The following RICTOR variants were observed in gnomAD, a reference collection of about 807,000 sequenced individuals.
The protein encoded by RICTOR is RPTOR independent companion of MTOR complex 2.
Under a neutral mutation model 214.9 loss-of-function variants are expected in RICTOR, and 49 were observed. The ratio of observed to expected loss-of-function variants is 0.23; its 90% CI spans 0.18 to 0.29. The LOEUF is 0.29. Among genes scored for constraint, RICTOR ranks in the 10% least tolerant of loss-of-function variants. The probability of loss-of-function intolerance (pLI) is 1.00; values close to 1 mark genes in which losing one functional copy is unlikely to be tolerated. For synonymous variants in RICTOR, 717 were observed against 711.3 expected (o/e 1.01, Z -0.13); for missense variants, 1,625 against 2,047.0 (o/e 0.79, Z 3.98).
intron 2 of RICTOR, among the ~76,000 whole-genome samples, chr5:39,048,011 G>C (rs117699959): frequency 6.6e-6 from 1 of 152,128 alleles, no homozygotes; most frequent in Non-Finnish European, 1.5e-5. Context: ...TAACCACAAC[G>C]AAGAATTTTC....
At chr5:38,993,456 A>G (rs1363015959) in intron 6 of RICTOR, among the ~76,000 whole-genome samples, 3 of 152,090 alleles carry the variant, frequency 2.0e-5, no homozygotes, top group Non-Finnish European at 4.4e-5. Flanking sequence ...CTGCATTGGA[A>G]GGGGGAGAGA....
At chr5:39,005,651 C>A (rs1320013414) in intron 3 of RICTOR, among the ~76,000 whole-genome samples, 1 of 152,140 alleles carries the variant, frequency 6.6e-6, no homozygotes, top group Non-Finnish European at 1.5e-5. Flanking sequence ...TAACTGTTTT[C>A]CCTTTTGTTC....
intron 2 of RICTOR, among the ~76,000 whole-genome samples, chr5:39,054,934 C>A (rs910306532): frequency 1.2e-4 from 19 of 152,174 alleles, no homozygotes; most frequent in African/African-American, 4.3e-4. Context: ...GTTTTGCTAT[C>A]TCGTCTTGAA....
chr5:39,045,997 T>C (rs77874070), intron 2 of RICTOR, among the ~76,000 whole-genome samples: 6,089 of 149,818 alleles, frequency 0.041, 313 homozygotes, highest in East Asian at 0.27. Context: ...TCTTCATGGA[T>C]CGTCAGTCTC....
chr5:38,953,260 A>G (rs957734510), intron 28 of RICTOR, among the ~76,000 whole-genome samples, 169 bp from the exon 29 acceptor site: 1 of 151,984 alleles, frequency 6.6e-6, no homozygotes, highest in African/African-American at 2.4e-5. Flanking sequence ...TTAGCAACAA[A>G]ACAAAAGTCA....
intron 9 of RICTOR, among the ~76,000 whole-genome samples, chr5:38,977,208 T>C (rs1044395396): frequency 5.3e-5 from 8 of 152,142 alleles, no homozygotes; most frequent in East Asian, 1.9e-4. Flanking sequence ...AGTTGTACAG[T>C]AGCAAGAAAC....
In RICTOR at chr5:39,038,230, C is replaced by A. The variant is rs564671569; in HGVS notation, c.98-17094G>T. Among the ~76,000 whole-genome samples, 4 of 152,300 alleles carry A rather than the reference C, an allele frequency of 2.6e-5. No individual in the cohort carries two copies. In the South Asian group the frequency reaches 8.3e-4, roughly 32 times the overall value. On this transcript the variant is annotated intron_variant, in intron 2 of 37. Transcript: ENST00000357387. ...CCAAAGACAAAAACCACATGATTAT[C>A]TCAATAGATGCAGAAAAGGTCTTTG...
At chr5:39,069,489 A>T (rs1405542269) in intron 2 of RICTOR, among the ~76,000 whole-genome samples, 1 of 152,212 alleles carries the variant, frequency 6.6e-6, no homozygotes, top group African/African-American at 2.4e-5. Context: ...CCCTTGGAAA[A>T]GAATAGCAAC....
chr5:39,069,152 T>C lies in RICTOR; in HGVS notation c.97+4959A>G, dbSNP rs116843875. ...GCCCATAAATTTTGCAAGAGGTTACTAGCATCTTTTAAGAAATTATTTTCA... is the reference window on the plus strand; with the variant it reads ...GCCCATAAATTTTGCAAGAGGTTACCAGCATCTTTTAAGAAATTATTTTCA... On this transcript the variant is annotated intron_variant, in intron 2 of 37. Coordinates refer to ENST00000357387, the MANE Select transcript of RICTOR (RefSeq NM_152756.5). 7.0e-3 allele frequency among the ~76,000 whole-genome samples: 1,072 copies of C among 152,350 alleles called. 53 individuals carry two copies. In the East Asian group the frequency reaches 0.12, roughly 17 times the overall value.
At chr5:39,022,745 TG>T (rs1299700647) in intron 2 of RICTOR, among the ~76,000 whole-genome samples, 1 of 152,170 alleles carries the variant, frequency 6.6e-6, no homozygotes, top group African/African-American at 2.4e-5. Context: ...TAACCATGAA[TG>T]GCCTGAAACC....
chr5:39,020,344 A>G (rs935154929), intron 3 of RICTOR, among the ~76,000 whole-genome samples: 2 of 152,184 alleles, frequency 1.3e-5, no homozygotes, highest in African/African-American at 2.4e-5. Context: ...GGAAGAGTCA[A>G]TGCGGCAAAC....
intron 6 of RICTOR, among the ~76,000 whole-genome samples, chr5:38,996,039 A>G (rs558567474): frequency 2.0e-5 from 3 of 152,356 alleles, no homozygotes; most frequent in African/African-American, 7.2e-5. Context: ...ACAGTACACC[A>G]TTTTGGAACC....
intron 6 of RICTOR, among the ~76,000 whole-genome samples, chr5:38,994,698 T>C (rs1252031276): frequency 1.4e-5 from 2 of 147,576 alleles, no homozygotes; most frequent in African/African-American, 5.0e-5. Context: ...AATGAAATGA[T>C]ATTTTTGTTA....
chr5:38,958,484 C>T lies in RICTOR; in HGVS notation c.2379G>A (p.Ala793=), dbSNP rs571604718. ...AACCCTTGTCTCCAAGGTGGGATAA[C>T]GCTGGTTTCATCTGAATGAGAGCAT... ...NLHALIQMKP[A]LSHLGDKGLL... The change falls in exon 24 of 38, where the codon GCG becomes GCA. Residue 793 remains alanine, a synonymous_variant. Transcript: ENST00000357387. The T allele has an allele frequency of 1.6e-5, 26 of 1,612,296 alleles. No homozygotes were observed. Among genetic ancestry groups the T allele is most frequent in the Admixed American group, 1.2e-4 (7 of 59,990 alleles).
At chr5:39,027,393 G>GA (rs1755918853) in intron 2 of RICTOR, among the ~76,000 whole-genome samples, 1 of 149,644 alleles carries the variant, frequency 6.7e-6, no homozygotes, top group African/African-American at 2.5e-5. Flanking sequence ...GAGAGGAACT[G>GA]AAAAAAAATG....
intron 2 of RICTOR, among the ~76,000 whole-genome samples, chr5:39,041,591 G>C (rs1279134445): frequency 6.6e-6 from 1 of 151,962 alleles, no homozygotes; most frequent in Non-Finnish European, 1.5e-5. Flanking sequence ...GCTTAGAGAT[G>C]GAAAAAAGAT....
intron 25 of RICTOR, among the ~76,000 whole-genome samples, chr5:38,956,417 C>T (rs996356043): frequency 6.6e-5 from 10 of 152,032 alleles, no homozygotes; most frequent in Admixed American, 4.6e-4. Flanking sequence ...CCATTCCAGC[C>T]TCATCTTGCC....
intron 27 of RICTOR, 21 bp from the exon 28 acceptor site, chr5:38,953,574 ACC>A: frequency 3.5e-6 from 2 of 578,230 alleles, no homozygotes; most frequent in Non-Finnish European, 5.8e-6. Context: ...AAAAAAAAAT[ACC>A]ATGAGTAATA....
intron 6 of RICTOR, among the ~76,000 whole-genome samples, chr5:38,993,822 G>C (rs1752959917): frequency 6.6e-6 from 1 of 152,076 alleles, no homozygotes; most frequent in Admixed American, 6.6e-5. Context: ...TTCAGCATCT[G>C]ACAACTTTGC....
Sources: gnomAD v4.1 joint callset for allele counts (sites outside exome capture counted in the v4.1 genomes callset) on GRCh38, gnomAD v4.1.1 for gene constraint, MANE v1.5 for transcripts, NCBI Gene and HGNC (gene_info 2026-07-23, HGNC 2026-07-21) for gene names.